Variants in CENPC observed in about 807,000 individuals in gnomAD.
CENPC encodes the protein CENP-C 1.
In CENPC, 63 loss-of-function variants were observed where a neutral mutation model predicts 112.1. The observed-to-expected ratio is 0.56, with a 90% CI of 0.46 to 0.69. CENPC has a LOEUF of 0.69. CENPC is among the 30% of genes least tolerant of loss of function. CENPC has a pLI of 0.00. For synonymous variants in CENPC, 333 were observed against 367.6 expected, an observed-to-expected ratio of 0.91 and a Z score of 1.08; for missense variants, 1,000 against 1,103.8, an observed-to-expected ratio of 0.91 and a Z score of 1.33.
At chr4:67,525,982 T>G (rs1024302223) in intron 5 of CENPC, among the ~76,000 whole-genome samples, 1 of 152,174 alleles carries the variant, frequency 6.6e-6, no homozygotes, top group Non-Finnish European at 1.5e-5. Context: ...CACAGAATAC[T>G]AAGCAGCCAT....
chr4:67,473,138 C>A (rs1441595911), intron 18 of CENPC, among the ~76,000 whole-genome samples: 1 of 151,816 alleles, frequency 6.6e-6, no homozygotes. Context: ...CTATATTGCC[C>A]AGGCAGGTCT....
chr4:67,545,000 T>C (rs1459371643), intron 1 of CENPC, among the ~76,000 whole-genome samples: 1 of 151,606 alleles, frequency 6.6e-6, no homozygotes, highest in Admixed American at 6.6e-5. Flanking sequence ...GAAGCCAAGA[T>C]CGCGCCACTG....
intron 4 of CENPC, among the ~76,000 whole-genome samples, chr4:67,539,052 A>G (rs181153453): frequency 1.1e-3 from 169 of 152,336 alleles, no homozygotes; most frequent in African/African-American, 3.8e-3. Flanking sequence ...AAAAAAGACA[A>G]TATTATTCAT....
intron 3 of CENPC, 39 bp from the exon 4 acceptor site, chr4:67,539,973 G>A (rs1378674453): frequency 2.8e-6 from 3 of 1,055,778 alleles, no homozygotes; most frequent in Non-Finnish European, 4.1e-6. Flanking sequence ...ACAAGATATA[G>A]TGTAATATCT....
At chr4:67,514,716 C>G (rs1254735859) in intron 7 of CENPC, 29 bp from the exon 8 acceptor site, 7 of 1,527,288 alleles carry the variant, frequency 4.6e-6, no homozygotes, top group Non-Finnish European at 6.1e-6. Flanking sequence ...TTTAACAGTT[C>G]AAAAAAATAA....
intron 5 of CENPC, among the ~76,000 whole-genome samples, chr4:67,529,954 A>C (rs1726496806): frequency 6.6e-6 from 1 of 152,178 alleles, no homozygotes; most frequent in Non-Finnish European, 1.5e-5. Flanking sequence ...TATATAATAA[A>C]AGTAGTACAT....
chr4:67,492,151 A>C (rs1725301237), intron 16 of CENPC, 29 bp downstream of exon 16: 1 of 1,365,300 alleles, frequency 7.3e-7, no homozygotes, highest in Non-Finnish European at 1.0e-6. Context: ...TGTTTAATTA[A>C]GTATTTTCAG....
chr4:67,498,186 G>A (rs145663047), intron 12 of CENPC, among the ~76,000 whole-genome samples: 1,701 of 151,676 alleles, frequency 0.011, 27 homozygotes, highest in African/African-American at 0.039. Context: ...AGTGAGCCGA[G>A]ATCACACCAC....
chr4:67,512,634 G>A, intron 8 of CENPC, 65 bp from the exon 9 acceptor site: 1 of 1,186,630 alleles, frequency 8.4e-7, no homozygotes, highest in Non-Finnish European at 1.1e-6. Context: ...AAAACCACAA[G>A]ATTATAAAAA....
At chr4:67,474,775 G>A in intron 18 of CENPC, 113 bp downstream of exon 18, 1 of 687,052 alleles carries the variant, frequency 1.5e-6, no homozygotes, top group Non-Finnish European at 2.6e-6. Context: ...GTACCAAACT[G>A]TTCTGACATC....
intron 8 of CENPC, among the ~76,000 whole-genome samples, chr4:67,513,416 A>C (rs2109803382): frequency 6.6e-6 from 1 of 152,340 alleles, no homozygotes; most frequent in Middle Eastern, 3.4e-3. Context: ...TGTAAAAATT[A>C]GTGTGTAGAA....
Position 67,468,789 on chromosome 4 carries a change from T to C in CENPC, c.*3816A>G, listed in dbSNP as rs2109750814. On this transcript the variant is annotated 3_prime_UTR_variant, in exon 19 of 19. Transcript: ENST00000273853. ...TAGGAAGTGTTCACTTCATCTTTAT[T>C]TGTGGTACAGTCATCCATACTAGAG... 6.6e-6 allele frequency: 1 copy of C among 152,332 alleles called. No individual in the cohort carries two copies. The highest frequency in any genetic ancestry group is 3.4e-3 in the Middle Eastern group (1 of 294). 9.4% of individuals were successfully genotyped at this position (152,332 alleles called of 1,614,324 possible).
chr4:67,533,580 TG>T (rs1291926253), intron 4 of CENPC, among the ~76,000 whole-genome samples: 6 of 152,192 alleles, frequency 3.9e-5, no homozygotes, highest in Admixed American at 3.3e-4. Context: ...AAGGAGTAGA[TG>T]AGACATGTCA....
rs181975792 is a variant in CENPC at position 67,506,292 on chromosome 4, T to C, written c.2051+496A>G. ...ATTCCACCTCTCCCTGAATGTAGTG[T>C]GGACTCAATAAGTTGTTTCTAATGA... is the stretch of plus-strand genomic sequence containing the variant. On this transcript the variant is annotated intron_variant, in intron 11 of 18. Transcript: ENST00000273853. Among the ~76,000 whole-genome samples, 37 of 152,294 alleles carry C rather than the reference T, an allele frequency of 2.4e-4. 1 individual carries two copies. The highest frequency in any genetic ancestry group is 7.9e-4 in the African/African-American group (33 of 41,550).
In CENPC at chr4:67,512,621, C is replaced by T. The variant is rs1725928269; in HGVS notation, c.1445-52G>A. The T allele has an allele frequency of 4.7e-6, 6 of 1,270,520 alleles. No homozygotes were observed. In the East Asian group the frequency reaches 1.7e-4, roughly 36 times the overall value. 78.7% of individuals were successfully genotyped at this position (1,270,520 alleles called of 1,614,324 possible). A position where few individuals can be genotyped will look rare whatever the true frequency, so the allele number is the denominator to read the frequency against. ...ATTCACAATCTACTAAAAGAGTTTT[C>T]AGAAAACCACAAGATTATAAAAAAA... On this transcript the variant is annotated intron_variant, in intron 8 of 18. Transcript: ENST00000273853.
intron 3 of CENPC, 51 bp from the exon 4 acceptor site, chr4:67,539,985 T>C: frequency 2.2e-6 from 2 of 905,852 alleles, no homozygotes; most frequent in Non-Finnish European, 3.2e-6. Context: ...GTAATATCTA[T>C]TAGTCACAAT....
chr4:67,473,690 T>G (rs1724730624), intron 18 of CENPC, among the ~76,000 whole-genome samples: 1 of 152,130 alleles, frequency 6.6e-6, no homozygotes, highest in African/African-American at 2.4e-5. Context: ...GAGCTAGGAC[T>G]ATAGGTGTGT....
intron 12 of CENPC, among the ~76,000 whole-genome samples, chr4:67,498,313 T>C (rs575718936): frequency 5.3e-5 from 8 of 152,284 alleles, no homozygotes; most frequent in African/African-American, 9.6e-5. Context: ...TTTTTGCTGA[T>C]AGGGTATTTT....
At chr4:67,532,339 C>T (rs1206375608) in intron 4 of CENPC, among the ~76,000 whole-genome samples, 1 of 152,114 alleles carries the variant, frequency 6.6e-6, no homozygotes, top group African/African-American at 2.4e-5. Context: ...GACAGTGTGG[C>T]AATTGCTCAG....
Sources: gnomAD v4.1 joint callset for allele counts (sites outside exome capture counted in the v4.1 genomes callset) on GRCh38, gnomAD v4.1.1 for gene constraint, MANE v1.5 for transcripts, NCBI Gene and HGNC (gene_info 2026-07-23, HGNC 2026-07-21) for gene names.